The following ARHGEF10L variants were observed in gnomAD, a reference collection of about 807,000 sequenced individuals.
ARHGEF10L encodes the protein rho guanine nucleotide exchange factor 10-like protein.
In ARHGEF10L, 69 loss-of-function variants were observed where a neutral mutation model predicts 141.2. That is an observed-to-expected ratio of 0.49 (90% confidence interval 0.40 to 0.60). ARHGEF10L has a LOEUF of 0.60. Among genes scored for constraint, ARHGEF10L ranks in the 20% least tolerant of loss-of-function variants. The pLI is 0.00. For synonymous variants in ARHGEF10L, 711 were observed against 718.5 expected (o/e 0.99, Z 0.17); for missense variants, 1,482 against 1,734.3 (o/e 0.85, Z 2.58).
intron 12 of ARHGEF10L, 134 bp from the exon 13 acceptor site, chr1:17,624,253 A>C: frequency 2.7e-6 from 2 of 727,412 alleles, no homozygotes; most frequent in South Asian, 3.0e-5. Flanking sequence ...TCGAGGTCCC[A>C]AGGGAGTGTG....
the ARHGEF10L span, among the ~76,000 whole-genome samples, chr1:17,522,335 A>G: frequency 6.6e-6 from 1 of 152,144 alleles, no homozygotes; most frequent in Admixed American, 6.5e-5. Flanking sequence ...CGCCGTCCTG[A>G]AGGGTGCTCA....
At chr1:17,657,945 G>T (rs1471399085) in intron 25 of ARHGEF10L, among the ~76,000 whole-genome samples, 3 of 152,218 alleles carry the variant, frequency 2.0e-5, no homozygotes, top group Admixed American at 2.0e-4. Flanking sequence ...AGGTGAGGCT[G>T]CCCTGACAAG....
chr1:17,686,003 G>A lies in ARHGEF10L; in HGVS notation c.3010-1570G>A, dbSNP rs78218662. Among the ~76,000 whole-genome samples, 22 of 152,320 alleles carry A rather than the reference G, an allele frequency of 1.4e-4. No individual in the cohort carries two copies. In the East Asian group the frequency reaches 3.7e-3, roughly 25 times the overall value. ...TCATCCCGTCCTGCTCCTGGAGTAA[G>A]CCTCAGGGTGCAGCTCTTCCTCCCC... On this transcript the variant is annotated intron_variant, in intron 26 of 28. Transcript: ENST00000361221.
At chr1:17,686,074 T>C (rs764294478) in intron 26 of ARHGEF10L, among the ~76,000 whole-genome samples, 1 of 137,242 alleles carries the variant, frequency 7.3e-6, no homozygotes, top group Non-Finnish European at 1.5e-5. Flanking sequence ...TTTTGTTTTG[T>C]TTTTTTTCTT....
intron 4 of ARHGEF10L, among the ~76,000 whole-genome samples, chr1:17,597,800 G>A (rs2080258483): frequency 6.6e-6 from 1 of 152,158 alleles, no homozygotes; most frequent in African/African-American, 2.4e-5. Context: ...TCGCTCACTG[G>A]GTTTTGATAA....
intron 4 of ARHGEF10L, among the ~76,000 whole-genome samples, chr1:17,592,318 A>G (rs983203018): frequency 6.6e-6 from 1 of 152,108 alleles, no homozygotes; most frequent in Non-Finnish European, 1.5e-5. Flanking sequence ...TCTGTGGGTC[A>G]GGGTTTTGGC....
rs2061221753 is a variant in ARHGEF10L, at chr1:17,639,670, G to A, written c.2172-532G>A. 2.3e-6 allele frequency: 1 copy of A among 427,618 alleles called. No homozygotes were observed. The highest frequency in any genetic ancestry group is 4.5e-6 in the Non-Finnish European group (1 of 220,568). 26.5% of individuals were successfully genotyped at this position (427,618 alleles called of 1,614,324 possible). A position where few individuals can be genotyped will look rare whatever the true frequency, so the allele number is the denominator to read the frequency against. ...CCCACTGCTCTGAGGTGAGAGGACA[G>A]CGTGGTGACAACAGCAACCTCTGGT... On this transcript the variant is annotated intron_variant, in intron 20 of 28. Coordinates refer to ENST00000361221, the MANE Select transcript of ARHGEF10L (RefSeq NM_018125.4). The surrounding 1 kb of genome is among the most constrained non-coding windows in gnomAD (Gnocchi z 4.3).
rs1262442873 is a variant in ARHGEF10L at position 17,602,124 on chromosome 1, C to T, written c.258-3C>T. Reference sequence around the variant, plus strand: ...CCTCTGCAGTGCCATCTCTTGCCCGCAGGGTGCCAGCCTGGGTGAGCAATG... The same window carrying T: ...CCTCTGCAGTGCCATCTCTTGCCCGTAGGGTGCCAGCCTGGGTGAGCAATG... On this transcript the variant is annotated splice_region_variant and splice_polypyrimidine_tract_variant and intron_variant, in intron 4 of 28. Transcript: ENST00000361221. The T allele has an allele frequency of 6.4e-7, 1 of 1,561,250 alleles. No individual in the cohort carries two copies. Among genetic ancestry groups the T allele is most frequent in the Non-Finnish European group, 8.7e-7 (1 of 1,152,790 alleles).
intron 4 of ARHGEF10L, among the ~76,000 whole-genome samples, chr1:17,599,223 C>T (rs2080400098): frequency 6.6e-6 from 1 of 151,668 alleles, no homozygotes; most frequent in African/African-American, 2.4e-5. Context: ...GTAGTCCCAT[C>T]TACTTGGAAG....
chr1:17,584,581 C>T (rs911954818), intron 2 of ARHGEF10L, among the ~76,000 whole-genome samples: 29 of 152,150 alleles, frequency 1.9e-4, no homozygotes, highest in Non-Finnish European at 3.7e-4. Context: ...GTAAAGTAGG[C>T]AGGGCAAACC....
At chr1:17,552,714 G>A (rs899697047) in intron 1 of ARHGEF10L, among the ~76,000 whole-genome samples, 8 of 150,756 alleles carry the variant, frequency 5.3e-5, no homozygotes, top group Admixed American at 2.7e-4. Flanking sequence ...GTGAGCCACC[G>A]TGTCCAGCCT....
chr1:17,634,793 G>T, intron 17 of ARHGEF10L, 42 bp from the exon 18 acceptor site: 1 of 1,562,290 alleles, frequency 6.4e-7, no homozygotes. Context: ...GGGGCAGGGT[G>T]GCTGCAGCCT....
At chr1:17,587,969 A>G (rs899259283) in intron 3 of ARHGEF10L, among the ~76,000 whole-genome samples, 13 of 152,242 alleles carry the variant, frequency 8.5e-5, no homozygotes, top group Non-Finnish European at 1.8e-4. Context: ...CACCAGCCAG[A>G]AGAGCAGCCT....
chr1:17,637,327 C>G (rs190048519), intron 18 of ARHGEF10L, among the ~76,000 whole-genome samples: 72 of 152,286 alleles, frequency 4.7e-4, no homozygotes, highest in African/African-American at 1.6e-3. Flanking sequence ...TATGCAGGCC[C>G]CTCCTCTCTC....
chr1:17,538,464 G>C (rs1405987914), upstream of ARHGEF10L, among the ~76,000 whole-genome samples: 1 of 152,208 alleles, frequency 6.6e-6, no homozygotes, highest in Non-Finnish European at 1.5e-5. Flanking sequence ...GGACAACTCT[G>C]TGGTGCTTAT....
chr1:17,565,833 A>C (rs1351976723), intron 1 of ARHGEF10L, among the ~76,000 whole-genome samples: 1 of 152,082 alleles, frequency 6.6e-6, no homozygotes, highest in African/African-American at 2.4e-5. Flanking sequence ...CACCTTAAAG[A>C]GGCGGCTGTA....
chr1:17,618,386 G>A, intron 9 of ARHGEF10L: 1 of 1,543,766 alleles, frequency 6.5e-7, no homozygotes. Flanking sequence ...GGAAGAGGAA[G>A]CTGCGAGGCA....
chr1:17,541,281 A>G (rs1009270594), intron 1 of ARHGEF10L, among the ~76,000 whole-genome samples: 2 of 152,100 alleles, frequency 1.3e-5, no homozygotes, highest in South Asian at 4.1e-4. Context: ...GGGTAGCCAC[A>G]GTGCTCTGAG....
Position 17,587,474 on chromosome 1 carries a change from C to G in ARHGEF10L, c.52C>G (p.Pro18Ala). 6.2e-7 allele frequency: 1 copy of G among 1,613,200 alleles called. No individual in the cohort carries two copies. The highest frequency in any genetic ancestry group is 1.1e-5 in the South Asian group (1 of 90,978). Residue 18 changes from proline (P) to alanine (A), a missense_variant, in exon 3 of 29, where the codon CCA (proline) becomes GCA (alanine). Pro to Ala is a conservative substitution (Grantham distance 27). Around this residue, in one of 3 missense-constraint regions of ARHGEF10L, gnomAD observed 232 missense variants for 225.9 expected, o/e 1.03. Coordinates refer to ENST00000361221, the MANE Select transcript of ARHGEF10L (RefSeq NM_018125.4). Reference sequence around the variant, plus strand: ...CTCTCTTCCAGGAGATCAGCTGGTTCCAGGAGTCCCAGGCCCCTCCTCTGA... The same window carrying G: ...CTCTCTTCCAGGAGATCAGCTGGTTGCAGGAGTCCCAGGCCCCTCCTCTGA... ...PQPAIGDQLV[P>A]GVPGPSSEAE...
Sources: gnomAD v4.1 joint callset for allele counts (sites outside exome capture counted in the v4.1 genomes callset) on GRCh38, gnomAD v4.1.1 for gene constraint, gnomAD v4.1.1 regional missense constraint, Gnocchi (gnomAD v3.1) non-coding constraint, MANE v1.5 for transcripts, NCBI Gene and HGNC (gene_info 2026-07-23, HGNC 2026-07-21) for gene names.